Variants in POU6F2 observed in about 807,000 individuals in gnomAD.
The protein encoded by POU6F2 is POU domain, class 6, transcription factor 2.
In POU6F2, 31 loss-of-function variants were observed where a neutral mutation model predicts 71.3. That is an observed-to-expected ratio of 0.43 (90% CI 0.33 to 0.59). POU6F2 has a LOEUF of 0.59. Among genes scored for constraint, POU6F2 ranks in the 20% least tolerant of loss-of-function variants. POU6F2 has a pLI of 0.04. For synonymous variants in POU6F2, 347 were observed against 355.7 expected, an observed-to-expected ratio of 0.98 and a Z score of 0.27; for missense variants, 783 against 856.8, an observed-to-expected ratio of 0.91 and a Z score of 1.07.
At chr7:39,454,308 G>A (rs1788732477) in intron 8 of POU6F2, among the ~76,000 whole-genome samples, 1 of 152,038 alleles carries the variant, frequency 6.6e-6, no homozygotes, top group Admixed American at 6.5e-5. Flanking sequence ...TGATTTTTGT[G>A]GCAGCTGCAT....
At chr7:39,319,189 G>A (rs1427999420) in intron 4 of POU6F2, among the ~76,000 whole-genome samples, 2 of 152,226 alleles carry the variant, frequency 1.3e-5, no homozygotes, top group East Asian at 1.9e-4. Flanking sequence ...CACCTCCCAC[G>A]TCCTACATGT....
rs143280395 is a variant in POU6F2 at position 39,200,905 on chromosome 7, T to C, written c.278-3330T>C. 1.8e-3 allele frequency among the ~76,000 whole-genome samples: 267 copies of C among 151,546 alleles called. 1 individual carries two copies. The highest frequency in any genetic ancestry group is 6.2e-3 in the African/African-American group (257 of 41,282). ...AGCTGGGTGTAGTGGCTCGCTCCTG[T>C]AGTCTCAGCTACTCAGAAGGCTGAA... On this transcript the variant is annotated intron_variant, in intron 2 of 9. Transcript: ENST00000518318.
chr7:39,206,294 C>T (rs1794011082), intron 3 of POU6F2, among the ~76,000 whole-genome samples: 1 of 152,176 alleles, frequency 6.6e-6, no homozygotes, highest in Non-Finnish European at 1.5e-5. Flanking sequence ...GGCAGGAATC[C>T]TTCCCATGTC....
chr7:39,093,329 C>T (rs1791392054), intron 2 of POU6F2, among the ~76,000 whole-genome samples: 1 of 151,882 alleles, frequency 6.6e-6, no homozygotes, highest in Non-Finnish European at 1.5e-5. Flanking sequence ...ATACAAAAGA[C>T]CATTTGAAAA....
intron 2 of POU6F2, among the ~76,000 whole-genome samples, chr7:39,162,090 G>A (rs951770815): frequency 6.6e-6 from 1 of 152,124 alleles, no homozygotes; most frequent in Non-Finnish European, 1.5e-5. Context: ...GTGACTAGGA[G>A]GCATTTTTAT....
chr7:39,277,077 C>G lies in POU6F2; in HGVS notation c.599-62565C>G, dbSNP rs370154423. Among the ~76,000 whole-genome samples the G allele has an allele frequency of 1.7e-3, 258 of 152,072 alleles. 1 individual carries two copies. The highest frequency in any genetic ancestry group is 3.0e-3 in the Non-Finnish European group (204 of 67,960). ...TAATAATTTTTAAAAAATTCTCTTT[C>G]AAAACATAACTCCCAGCATGTGCTT... On this transcript the variant is annotated intron_variant, in intron 4 of 9. Transcript: ENST00000518318.
At chr7:39,010,071 T>C (rs1436314126) in intron 1 of POU6F2, among the ~76,000 whole-genome samples, 1 of 135,134 alleles carries the variant, frequency 7.4e-6, no homozygotes, top group Non-Finnish European at 1.6e-5. Context: ...TCTTTTTCTA[T>C]TGATTGGAAT....
At chr7:39,226,358 T>C (rs1794460620) in intron 4 of POU6F2, among the ~76,000 whole-genome samples, 1 of 152,220 alleles carries the variant, frequency 6.6e-6, no homozygotes, top group South Asian at 2.1e-4. Flanking sequence ...TGTATCCTTT[T>C]CTCCATTTTC....
intron 4 of POU6F2, among the ~76,000 whole-genome samples, chr7:39,271,968 A>T (rs1276705837): frequency 2.0e-5 from 3 of 150,046 alleles, no homozygotes; most frequent in Admixed American, 2.0e-4. Flanking sequence ...TATGAAGAGG[A>T]TGAGGAGTTG....
intron 6 of POU6F2, among the ~76,000 whole-genome samples, chr7:39,413,650 G>A (rs555246471): frequency 2.2e-4 from 34 of 152,086 alleles, no homozygotes; most frequent in Non-Finnish European, 4.4e-4. Flanking sequence ...GTCACGTTGT[G>A]TGAACTATAT....
intron 5 of POU6F2, among the ~76,000 whole-genome samples, chr7:39,393,608 A>C (rs576794937): frequency 1.9e-4 from 29 of 152,332 alleles, no homozygotes; most frequent in Admixed American, 8.5e-4. Flanking sequence ...CGGCAGACCA[A>C]CAACAAATGG....
chr7:39,212,523 G>A (rs767121201), intron 4 of POU6F2, among the ~76,000 whole-genome samples: 7 of 152,000 alleles, frequency 4.6e-5, no homozygotes, highest in Admixed American at 2.0e-4. Context: ...GTGCCCTCTC[G>A]TACCTTGCCT....
chr7:39,159,744 A>C (rs1021206001), intron 2 of POU6F2, among the ~76,000 whole-genome samples: 9 of 152,170 alleles, frequency 5.9e-5, no homozygotes, highest in African/African-American at 2.2e-4. Context: ...GAAAAGAAAG[A>C]AGGGAGGGAA....
chr7:38,998,838 T>TTTTTG (rs869182741), intron 1 of POU6F2, among the ~76,000 whole-genome samples: 21 of 141,378 alleles, frequency 1.5e-4, no homozygotes, highest in Admixed American at 2.1e-4. Context: ...TTTTTTTTTT[T>TTTTTG]TATTTTCAGT....
chr7:39,138,961 A>G (rs940731671), intron 2 of POU6F2, among the ~76,000 whole-genome samples: 1 of 152,136 alleles, frequency 6.6e-6, no homozygotes, highest in African/African-American at 2.4e-5. Context: ...AGAGAGAGCT[A>G]TCATTCATTG....
At chr7:39,353,996 C>T (rs952133227) in intron 5 of POU6F2, among the ~76,000 whole-genome samples, 2 of 152,132 alleles carry the variant, frequency 1.3e-5, no homozygotes, top group African/African-American at 4.8e-5. Flanking sequence ...GGAAAGGAAG[C>T]TGGCTTTACG....
chr7:39,182,921 G>T (rs1793463833), intron 2 of POU6F2, among the ~76,000 whole-genome samples: 1 of 152,174 alleles, frequency 6.6e-6, no homozygotes. Context: ...CAAAAATGCA[G>T]CAAGGAAAAT....
At chr7:39,361,746 A>T (rs187527481) in intron 5 of POU6F2, among the ~76,000 whole-genome samples, 341 of 152,326 alleles carry the variant, frequency 2.2e-3, no homozygotes, top group African/African-American at 7.8e-3. Flanking sequence ...ACATTAAAAG[A>T]TGTGTTTCTC....
At chr7:39,276,603 G>T (rs1050632362) in intron 4 of POU6F2, among the ~76,000 whole-genome samples, 3 of 151,134 alleles carry the variant, frequency 2.0e-5, no homozygotes, top group Non-Finnish European at 4.4e-5. Flanking sequence ...ACATGCACAC[G>T]TATGTTTATT....
Sources: allele counts gnomAD v4.1 joint callset (sites outside exome capture counted in the v4.1 genomes callset), GRCh38; gene constraint gnomAD v4.1.1; transcripts MANE v1.5; gene names NCBI Gene and HGNC (gene_info 2026-07-23, HGNC 2026-07-21).